Variants in CCDC12 observed in about 807,000 individuals in gnomAD.
CCDC12 encodes the protein coiled-coil domain containing 12.
In CCDC12, 28 loss-of-function variants were observed where a neutral mutation model predicts 25.7. The ratio of observed to expected loss-of-function variants is 1.09; its 90% CI spans 0.81 to 1.50. CCDC12 has a LOEUF of 1.50. Ranked by LOEUF, CCDC12 falls within the 40% of genes most tolerant of loss-of-function variation. The pLI, the probability that CCDC12 is intolerant of heterozygous loss-of-function variation, is 0.00. For missense variants in CCDC12, 198 were observed against 210.0 expected (o/e 0.94, Z 0.35); for synonymous variants, 75 against 87.7 (o/e 0.86, Z 0.81).
At chr3:46,973,495 CA>C (rs879353218) in intron 1 of CCDC12, among the ~76,000 whole-genome samples, 155 of 122,888 alleles carry the variant, frequency 1.3e-3, no homozygotes, top group Middle Eastern at 9.2e-3. Context: ...AACTCCATCT[CA>C]AAAAAAAAAA....
In CCDC12 at chr3:46,925,436, G is replaced by A; in HGVS notation, c.244+20C>T. ...CTGACAGTGCCAGGAAGCAGAGGTG[G>A]AGAGGGACAGCTTGCTTACCTGCAA... is the stretch of plus-strand genomic sequence containing the variant. On this transcript the variant is annotated intron_variant, in intron 3 of 6. Transcript: ENST00000683445. 1.2e-6 allele frequency: 2 copies of A among 1,608,702 alleles called. No homozygotes were observed. The highest frequency in any genetic ancestry group is 1.7e-4 in the Middle Eastern group (1 of 6,054).
chr3:46,947,113 T>C (rs933515402), intron 1 of CCDC12, among the ~76,000 whole-genome samples: 6 of 152,164 alleles, frequency 3.9e-5, no homozygotes, highest in African/African-American at 1.4e-4. Flanking sequence ...CCTGCTATAA[T>C]GTCCATGGGA....
chr3:46,924,937 G>A lies in CCDC12; in HGVS notation c.244+519C>T, dbSNP rs916162258. 3.8e-5 allele frequency: 9 copies of A among 238,624 alleles called. 1 individual carries two copies. The highest frequency in any genetic ancestry group is 3.4e-3 in the Middle Eastern group (2 of 594). 14.8% of individuals were successfully genotyped at this position (238,624 alleles called of 1,614,324 possible). On this transcript the variant is annotated intron_variant, in intron 3 of 6. Coordinates refer to ENST00000683445, the MANE Select transcript of CCDC12 (RefSeq NM_001277074.2). The stretch of plus-strand genomic sequence containing the variant: ...ACTTCCTGGCATGAGTGGTGTGGAC[G>A]GCCAGAAGCTCCTGGTGGCTGTGCT...
In CCDC12 at chr3:46,923,331, G is replaced by C; in HGVS notation, c.339C>G (p.Asp113Glu). ...DLANLAPRKPDWDLKRDVAKK... is the reference protein window; with the variant it reads ...DLANLAPRKPEWDLKRDVAKK... ...CGCCACGCACGGGCAACACTCACCA[G>C]TCAGGCTTCCGAGGAGCGAGGTTGG... Residue 113 changes from aspartate to glutamate, a missense_variant and splice_region_variant, in exon 5 of 7, where the codon GAC becomes GAG. Transcript: ENST00000683445. 6.7e-7 allele frequency: 1 copy of C among 1,490,366 alleles called. No homozygotes were observed. The highest frequency in any genetic ancestry group is 8.9e-7 in the Non-Finnish European group (1 of 1,119,048). 92.3% of individuals were successfully genotyped at this position (1,490,366 alleles called of 1,614,324 possible). A position where few individuals can be genotyped will look rare whatever the true frequency, so the allele number is the denominator to read the frequency against.
At chr3:46,977,363 C>T (rs1178552164), upstream of CCDC12, among the ~76,000 whole-genome samples, 8 of 152,068 alleles carry the variant, frequency 5.3e-5, no homozygotes, top group Non-Finnish European at 1.2e-4. Context: ...ATCCCAGCTA[C>T]TCGGGAGGCT....
chr3:46,970,273 TA>T (rs1162779817), intron 1 of CCDC12, among the ~76,000 whole-genome samples: 1 of 51,366 alleles, frequency 1.9e-5, no homozygotes, highest in Admixed American at 3.2e-4. Context: ...CATTATGAGA[TA>T]TTTTTTGTGA....
intron 1 of CCDC12, among the ~76,000 whole-genome samples, chr3:46,951,637 G>A (rs11716553): frequency 0.37 from 55,088 of 148,048 alleles, 10,882 homozygotes; most frequent in Middle Eastern, 0.53. Context: ...AAAATTAGCC[G>A]GGCGTGGTGG....
chr3:46,948,818 A>G (rs1173073491), intron 1 of CCDC12, among the ~76,000 whole-genome samples: 2 of 152,194 alleles, frequency 1.3e-5, no homozygotes, highest in Non-Finnish European at 2.9e-5. Context: ...GAGTGTGGGG[A>G]GCCAGCCCAA....
chr3:46,933,038 A>T (rs1204937196), intron 2 of CCDC12, among the ~76,000 whole-genome samples: 1 of 152,244 alleles, frequency 6.6e-6, no homozygotes, highest in African/African-American at 2.4e-5. Flanking sequence ...CAGCAACTGC[A>T]GTAGAGAAGC....
intron 2 of CCDC12, among the ~76,000 whole-genome samples, chr3:46,938,613 G>A (rs545685431): frequency 2.8e-4 from 42 of 148,528 alleles, no homozygotes; most frequent in Middle Eastern, 3.5e-3. Context: ...ACTTTTGGGA[G>A]GCTGAAGTGG....
intron 1 of CCDC12, among the ~76,000 whole-genome samples, chr3:46,955,846 A>C (rs1379852624): frequency 6.6e-6 from 1 of 152,228 alleles, no homozygotes; most frequent in African/African-American, 2.4e-5. Context: ...GTCGGGAGGA[A>C]CAGTCCCTTC....
intron 1 of CCDC12, among the ~76,000 whole-genome samples, chr3:46,945,149 C>T (rs1037747246): frequency 2.6e-5 from 4 of 152,234 alleles, no homozygotes; most frequent in African/African-American, 9.7e-5. Flanking sequence ...GTAGGCTTTA[C>T]TACCCCTTCC....
intron 2 of CCDC12, among the ~76,000 whole-genome samples, chr3:46,934,843 G>T (rs569733216): frequency 6.6e-6 from 1 of 152,366 alleles, no homozygotes; most frequent in Admixed American, 6.5e-5. Context: ...TCTACAGTGG[G>T]ACTGAAAGAA....
chr3:46,949,446 C>G (rs534602058), intron 1 of CCDC12, among the ~76,000 whole-genome samples: 78 of 152,316 alleles, frequency 5.1e-4, no homozygotes, highest in African/African-American at 1.9e-3. Flanking sequence ...CATATGCAGC[C>G]AGACTGGACG....
chr3:46,975,546 T>A (rs1288577985), intron 1 of CCDC12, among the ~76,000 whole-genome samples: 2 of 143,010 alleles, frequency 1.4e-5, no homozygotes, highest in African/African-American at 5.4e-5. Context: ...TTTTTTTTTT[T>A]TTGAGACGGA....
intron 1 of CCDC12, among the ~76,000 whole-genome samples, chr3:46,950,510 G>C (rs1223251385): frequency 4.0e-5 from 6 of 151,590 alleles, no homozygotes; most frequent in Non-Finnish European, 8.8e-5. Context: ...GTAGAGACAG[G>C]GTCTAACTAT....
chr3:46,922,071 A>G lies in CCDC12; in HGVS notation c.487T>C (p.Cys163Arg), dbSNP rs774413430. 1.9e-6 allele frequency: 3 copies of G among 1,614,010 alleles called. No homozygotes were observed. Among genetic ancestry groups the G allele is most frequent in the Admixed American group, 3.3e-5 (2 of 60,006 alleles). The change falls in exon 7 of 7, where the codon TGT becomes CGT. Residue 163 changes from cysteine (C) to arginine (R), a missense_variant. Coordinates refer to ENST00000683445, the MANE Select transcript of CCDC12 (RefSeq NM_001277074.2). ...AVDAATEQKT[C>R]DSD is the part of the protein sequence containing the mutation. ...CAGGGCATGCCTCAGTCGGAGTCACAGGTCTTTTGTTCGGTGGCAGCATCC... is the reference window on the plus strand; with the variant it reads ...CAGGGCATGCCTCAGTCGGAGTCACGGGTCTTTTGTTCGGTGGCAGCATCC...
rs530149560 is a variant in CCDC12 at position 46,968,149 on chromosome 3, C to T, written c.96+8488G>A. ...ACCCAGAAGATTCTCCCTCTCACTG[C>T]CTCCACAACCTTGGAGTCTGAGAGC... On this transcript the variant is annotated intron_variant, in intron 1 of 6. Transcript: ENST00000683445. Among the ~76,000 whole-genome samples, 11 of 152,298 alleles carry T rather than the reference C, an allele frequency of 7.2e-5. No homozygotes were observed. In the South Asian group the frequency reaches 2.3e-3, roughly 32 times the overall value.
intron 1 of CCDC12, among the ~76,000 whole-genome samples, chr3:46,941,481 C>T (rs372110940): frequency 2.0e-5 from 3 of 151,448 alleles, no homozygotes; most frequent in East Asian, 3.9e-4. Context: ...AGGAGAATGG[C>T]GTGAACCTGG....
Sources: gnomAD v4.1 joint callset for allele counts (sites outside exome capture counted in the v4.1 genomes callset) on GRCh38, gnomAD v4.1.1 for gene constraint, MANE v1.5 for transcripts, NCBI Gene and HGNC (gene_info 2026-07-23, HGNC 2026-07-21) for gene names.